Variants in ERAP1 observed in about 807,000 individuals in gnomAD.
ERAP1 encodes the protein adipocyte-derived leucine aminopeptidase.
A neutral mutation model predicts 103.7 loss-of-function variants in ERAP1; 86 were observed. The ratio of observed to expected loss-of-function variants is 0.83; its 90% confidence interval spans 0.70 to 0.99. ERAP1 has a LOEUF of 0.99. Among genes scored for constraint, ERAP1 ranks in the 50% least tolerant of loss-of-function variants. The probability of loss-of-function intolerance (pLI) is 0.00; values close to 1 mark genes in which losing one functional copy is unlikely to be tolerated. For missense variants in ERAP1, 1,009 were observed against 1,128.4 expected (o/e 0.89, Z 1.52); for synonymous variants, 398 against 402.4 (o/e 0.99, Z 0.13).
chr5:96,813,201 A>T, the ERAP1 span, among the ~76,000 whole-genome samples: 2 of 152,186 alleles, frequency 1.3e-5, no homozygotes, highest in East Asian at 3.8e-4. Flanking sequence ...AGGATGAACA[A>T]ATGAAGTGTT....
the ERAP1 span, among the ~76,000 whole-genome samples, chr5:96,911,552 G>A: frequency 2.5e-3 from 387 of 151,858 alleles, 1 homozygote; most frequent in African/African-American, 9.0e-3. Flanking sequence ...GACTCTCTAG[G>A]CCTAGAGAGT....
At chr5:96,770,577 G>C (rs768708181), downstream of ERAP1, 2 of 1,612,756 alleles carry the variant, frequency 1.2e-6, no homozygotes, top group Admixed American at 3.3e-5. Context: ...CCTAAGAATG[G>C]AGGTAAAGCG....
chr5:96,826,807 T>C, the ERAP1 span, among the ~76,000 whole-genome samples: 1 of 152,222 alleles, frequency 6.6e-6, no homozygotes, highest in Non-Finnish European at 1.5e-5. Context: ...TCACTGTGTC[T>C]CCTTAATTTT....
At chr5:96,808,026 G>A, upstream of ERAP1, 11 of 985,536 alleles carry the variant, frequency 1.1e-5, no homozygotes, top group Non-Finnish European at 1.3e-5. Flanking sequence ...CCCTGGCTAA[G>A]GCGGGAGCTG....
Position 96,803,393 on chromosome 5 carries a change from AAAAAAATACCTC to A in ERAP1, c.522_524+9del. On this transcript the variant is annotated splice_donor_variant and splice_donor_5th_base_variant and coding_sequence_variant and intron_variant, in exon 2 of 19. Transcript: ENST00000443439. LOFTEE classifies it high-confidence loss of function. ...CTTGCAGTTTAAAAGAAAAAGAGAA[AAAAAAATACCTC>A]AGTTCCCCTTCCTTGGTTCTGTAGG... is the stretch of plus-strand genomic sequence containing the variant. The A allele has an allele frequency of 6.2e-7, 1 of 1,612,494 alleles. No individual in the cohort carries two copies. Among genetic ancestry groups the A allele is most frequent in the Middle Eastern group, 1.7e-4 (1 of 6,056 alleles).
At chr5:96,881,432 T>C in the ERAP1 span, 1 of 456,228 alleles carries the variant, frequency 2.2e-6, no homozygotes, top group South Asian at 1.5e-5. Context: ...TCAAGGATGC[T>C]TCATAGAGTG....
At chr5:96,842,764 C>T in the ERAP1 span, among the ~76,000 whole-genome samples, 1 of 152,158 alleles carries the variant, frequency 6.6e-6, no homozygotes, top group South Asian at 2.1e-4. Flanking sequence ...TTTTACTGTG[C>T]AGAAGCTTTT....
chr5:96,891,757 A>G, the ERAP1 span, among the ~76,000 whole-genome samples: 1 of 152,092 alleles, frequency 6.6e-6, no homozygotes, highest in African/African-American at 2.4e-5. Context: ...TCTTAGAAGA[A>G]CATGTGCTCA....
At chr5:96,856,363 T>TAG in the ERAP1 span, among the ~76,000 whole-genome samples, 2 of 27,780 alleles carry the variant, frequency 7.2e-5, no homozygotes, top group African/African-American at 1.2e-4. Context: ...TATATATATA[T>TAG]ATAGAGAGAG....
chr5:96,903,589 C>T, the ERAP1 span: 167 of 1,563,146 alleles, frequency 1.1e-4, no homozygotes, highest in African/African-American at 5.7e-4. Context: ...TGACTTCATG[C>T]AAAATAACTG....
chr5:96,899,098 A>T, the ERAP1 span, among the ~76,000 whole-genome samples: 1 of 152,196 alleles, frequency 6.6e-6, no homozygotes. Flanking sequence ...TTTTTGTCAC[A>T]TCATGCTTAT....
Position 96,775,502 on chromosome 5 carries a change from G to A in ERAP1, c.*894C>T, listed in dbSNP as rs1026588912. ...TTGAATGCACTCTGCTTTTTCAGAA[G>A]AGATACTGTACCAGTCAGGGAAATA... is the stretch of plus-strand genomic sequence containing the variant. On this transcript the variant is annotated 3_prime_UTR_variant, in exon 19 of 19. Transcript: ENST00000443439. The A allele has an allele frequency of 5.1e-6, 5 of 980,814 alleles. No individual in the cohort carries two copies. In the African/African-American group the frequency reaches 9.0e-5, roughly 18 times the overall value. 60.8% of individuals were successfully genotyped at this position (980,814 alleles called of 1,614,324 possible).
At chr5:96,783,420 T>G (rs903553168) in intron 14 of ERAP1, among the ~76,000 whole-genome samples, 185 bp from the exon 15 acceptor site, 1 of 126,906 alleles carries the variant, frequency 7.9e-6, no homozygotes, top group African/African-American at 2.9e-5. Context: ...GATGAATGAC[T>G]TTCATATTTT....
intron 8 of ERAP1, among the ~76,000 whole-genome samples, chr5:96,790,979 G>C (rs1213453161): frequency 1.3e-5 from 2 of 152,212 alleles, no homozygotes; most frequent in Non-Finnish European, 2.9e-5. Context: ...TGGACCTTGA[G>C]CTACTACCTG....
chr5:96,778,480 G>A (rs1009803348), intron 18 of ERAP1, among the ~76,000 whole-genome samples: 2 of 152,042 alleles, frequency 1.3e-5, no homozygotes, highest in African/African-American at 4.8e-5. Flanking sequence ...GGAGAAACAT[G>A]TGGTAGCCCA....
chr5:96,772,607 G>T (rs767935124), downstream of ERAP1: 4 of 152,674 alleles, frequency 2.6e-5, no homozygotes, highest in African/African-American at 4.8e-5. Flanking sequence ...CATATTAAAT[G>T]ATTCACTGCA....
Position 96,786,560 on chromosome 5 carries a change from G to T in ERAP1, c.1680-11C>A. On this transcript the variant is annotated splice_polypyrimidine_tract_variant and intron_variant, in intron 11 of 18. Transcript: ENST00000443439. ...ACATGCCACAGGTACCTAAAATAAAGGAGAGGTGGATTGTTCATTTGTTGA... is the reference window on the plus strand; with the variant it reads ...ACATGCCACAGGTACCTAAAATAAATGAGAGGTGGATTGTTCATTTGTTGA... The T allele has an allele frequency of 1.3e-6, 2 of 1,547,646 alleles. No homozygotes were observed. Among genetic ancestry groups the T allele is most frequent in the South Asian group, 2.2e-5 (2 of 89,962 alleles).
chr5:96,891,404 CACATAT>C, the ERAP1 span, among the ~76,000 whole-genome samples: 2 of 149,530 alleles, frequency 1.3e-5, no homozygotes, highest in Middle Eastern at 3.5e-3. Flanking sequence ...CATACACACA[CACATAT>C]ACATATACAC....
chr5:96,833,130 C>T, the ERAP1 span, among the ~76,000 whole-genome samples: 33,086 of 152,108 alleles, frequency 0.22, 3,768 homozygotes, highest in East Asian at 0.29. Flanking sequence ...TTATAAGCCA[C>T]CCAAAATACG....
Sources: gnomAD v4.1 joint callset for allele counts (sites outside exome capture counted in the v4.1 genomes callset) on GRCh38, gnomAD v4.1.1 for gene constraint, MANE v1.5 for transcripts, NCBI Gene and HGNC (gene_info 2026-07-23, HGNC 2026-07-21) for gene names.